DYNC2H1: variants seen among roughly 807,000 people sequenced by gnomAD.
DYNC2H1 encodes the protein cytoplasmic dynein 2 heavy chain 1.
DYNC2H1 carries 410 observed loss-of-function variants against 570.0 expected under a neutral mutation model. The observed-to-expected ratio is 0.72, with a 90% CI of 0.66 to 0.78. The LOEUF is 0.78. Ranked by LOEUF, DYNC2H1 falls within the 30% of genes least tolerant of loss-of-function variation. The pLI, the probability that DYNC2H1 is intolerant of heterozygous loss-of-function variation, is 0.00. For missense variants in DYNC2H1, 4,865 were observed against 5,046.4 expected (o/e 0.96, Z 1.09); for synonymous variants, 1,688 against 1,677.6 (o/e 1.01, Z -0.15).
At position 103,245,574 on chromosome 11, in the gene DYNC2H1, C is replaced by T. The variant is rs1864583180; in HGVS notation, c.10042+200C>T. Among the ~76,000 whole-genome samples, 1 of 152,034 alleles carries T rather than the reference C, an allele frequency of 6.6e-6. No homozygotes were observed. Among genetic ancestry groups the T allele is most frequent in the African/African-American group, 2.4e-5 (1 of 41,400 alleles). On this transcript the variant is annotated intron_variant, in intron 65 of 88. Transcript: ENST00000375735. This position sits in a 1 kb window ranked among gnomAD's most constrained non-coding sequence, Gnocchi z 4.5. ...GAAAGCTCAGTAGAGACCTAGTACC[C>T]ATAGTTTACTGGGGGTTGATTACGT...
intron 6 of DYNC2H1, among the ~76,000 whole-genome samples, chr11:103,120,065 G>A (rs1416439717): frequency 1.5e-4 from 23 of 152,110 alleles, no homozygotes; most frequent in South Asian, 4.1e-4. Context: ...GCAATTTAAT[G>A]CAGAATAATG....
Position 103,184,923 on chromosome 11 carries a change from G to A in DYNC2H1, c.6505G>A (p.Val2169Ile). Residue 2169 changes from valine to isoleucine, a missense_variant, in exon 41 of 89, where the codon GTT becomes ATT. This residue lies in a region of DYNC2H1 where 231 missense variants were observed against 310.3 expected (regional missense o/e 0.74). Transcript: ENST00000375735. Reference sequence around the variant, plus strand: ...TGACTATGTGGTAGAAACAAGTTTGGTTGGGACTGTGATGAATGGTTTGTC... The same window carrying A: ...TGACTATGTGGTAGAAACAAGTTTGATTGGGACTGTGATGAATGGTTTGTC... ...QNDYVVETSLVGTVMNGLSHL... is the reference protein window; with the variant it reads ...QNDYVVETSLIGTVMNGLSHL... 6.2e-7 allele frequency: 1 copy of A among 1,610,824 alleles called. No homozygotes were observed. Among genetic ancestry groups the A allele is most frequent in the Non-Finnish European group, 8.5e-7 (1 of 1,177,798 alleles).
intron 65 of DYNC2H1, among the ~76,000 whole-genome samples, chr11:103,251,931 A>T (rs663043): frequency 0.4 from 60,850 of 151,236 alleles, 12,490 homozygotes; most frequent in African/African-American, 0.47. Context: ...TTTTCCTTTC[A>T]TTTTTTTAGA....
At chr11:103,448,039 G>C (rs1343344331) in intron 85 of DYNC2H1, among the ~76,000 whole-genome samples, 3 of 152,078 alleles carry the variant, frequency 2.0e-5, no homozygotes, top group African/African-American at 4.8e-5. Context: ...CAAGTGGCAG[G>C]TCACTTTTAG....
Position 103,173,281 on chromosome 11 carries a change from T to C in DYNC2H1, c.5534T>C (p.Leu1845Ser), listed in dbSNP as rs1295920335. 6.4e-7 allele frequency: 1 copy of C among 1,574,448 alleles called. No individual in the cohort carries two copies. The highest frequency in any genetic ancestry group is 1.8e-5 in the Admixed American group (1 of 54,398). Residue 1845 changes from leucine (L) to serine (S), a missense_variant, in exon 35 of 89, where the codon TTG (leucine) becomes TCG (serine). By Grantham distance (145) the Leu-to-Ser change is moderately radical. Around this residue, in one of 5 missense-constraint regions of DYNC2H1, gnomAD observed 292 missense variants for 300.2 expected, o/e 0.97. Coordinates refer to ENST00000375735, the MANE Select transcript of DYNC2H1 (RefSeq NM_001377.3). ...FKDAKVLSRK[L>S]VAIFNLSREL... ...GACGCTAAAGTATTGAGCAGAAAAT[T>C]GGTAGCTATTTTCAATCTATCTAGG...
chr11:103,175,071 G>T (rs1024926606), intron 36 of DYNC2H1, among the ~76,000 whole-genome samples: 97 of 152,090 alleles, frequency 6.4e-4, no homozygotes, highest in African/African-American at 2.2e-3. Context: ...ATATATATGT[G>T]CTATACTTTC....
chr11:103,300,449 A>G (rs543628476), intron 75 of DYNC2H1, among the ~76,000 whole-genome samples: 1 of 152,094 alleles, frequency 6.6e-6, no homozygotes, highest in East Asian at 1.9e-4. Context: ...GATGATTCTG[A>G]TGGTATCATG....
intron 19 of DYNC2H1, among the ~76,000 whole-genome samples, chr11:103,148,284 C>T (rs1025150930): frequency 7.9e-5 from 12 of 152,058 alleles, no homozygotes; most frequent in East Asian, 7.7e-4. Flanking sequence ...TTAAATACAA[C>T]GTGAAACAAC....
intron 25 of DYNC2H1, 81 bp from the exon 26 acceptor site, chr11:103,156,307 T>C: frequency 7.3e-7 from 1 of 1,360,888 alleles, no homozygotes; most frequent in Non-Finnish European, 9.9e-7. Context: ...AAAATATATT[T>C]TTCATAAAAT....
At chr11:103,357,500 C>T (rs985197728) in intron 82 of DYNC2H1, among the ~76,000 whole-genome samples, 1 of 152,128 alleles carries the variant, frequency 6.6e-6, no homozygotes, top group Non-Finnish European at 1.5e-5. Context: ...GTTTATTATG[C>T]TATTCTTTTT....
intron 24 of DYNC2H1, 60 bp from the exon 25 acceptor site, chr11:103,155,271 T>A (rs1860759389): frequency 6.9e-7 from 1 of 1,449,572 alleles, no homozygotes; most frequent in African/African-American, 1.5e-5. Context: ...CTAATTTGCA[T>A]TTTGCTAATA....
rs1939040138 is a variant in DYNC2H1 at position 103,334,998 on chromosome 11, C to T, written c.12039+11008C>T. On this transcript the variant is annotated intron_variant, in intron 82 of 88. Transcript: ENST00000375735. The surrounding 1 kb of genome is among the most constrained non-coding windows in gnomAD (Gnocchi z 4.3). ...CACCTTGAAGAATTTGGAATAATTT[C>T]TTCAGTTTAGCAAAATACATTGCCC... 6.6e-6 allele frequency among the ~76,000 whole-genome samples: 1 copy of T among 152,038 alleles called. No homozygotes were observed. The highest frequency in any genetic ancestry group is 2.1e-4 in the South Asian group (1 of 4,830).
rs2135095493 is a variant in DYNC2H1, at chr11:103,203,791, A to G, written c.8311+15A>G. On this transcript the variant is annotated intron_variant, in intron 51 of 88. Coordinates refer to ENST00000375735, the MANE Select transcript of DYNC2H1 (RefSeq NM_001377.3). This position sits in a 1 kb window ranked among gnomAD's most constrained non-coding sequence, Gnocchi z 4.7. ...CTTCACATATAGTAAGTGACATAGAATTCATTAATCAAATCAAACTGGTTT... is the reference window on the plus strand; with the variant it reads ...CTTCACATATAGTAAGTGACATAGAGTTCATTAATCAAATCAAACTGGTTT... 6.5e-7 allele frequency: 1 copy of G among 1,528,300 alleles called. No individual in the cohort carries two copies. The highest frequency in any genetic ancestry group is 1.2e-5 in the South Asian group (1 of 85,084). 94.7% of individuals were successfully genotyped at this position (1,528,300 alleles called of 1,614,324 possible). A position where few individuals can be genotyped will look rare whatever the true frequency, so the allele number is the denominator to read the frequency against.
At chr11:103,232,788 G>A (rs760611820) in intron 60 of DYNC2H1, among the ~76,000 whole-genome samples, 99 of 152,122 alleles carry the variant, frequency 6.5e-4, no homozygotes, top group Admixed American at 2.4e-3. Flanking sequence ...CATGTTCAAG[G>A]TGTAATATGA....
In DYNC2H1 at chr11:103,257,770, T is replaced by C; in HGVS notation, c.10605+19T>C. The C allele has an allele frequency of 6.5e-7, 1 of 1,540,852 alleles. No homozygotes were observed. The highest frequency in any genetic ancestry group is 8.8e-7 in the Non-Finnish European group (1 of 1,141,018). ...CAAACAGGTAAGCTGTTGGATACCC[T>C]GTACCAGAGACTGAATTACAGGGAT... is the stretch of plus-strand genomic sequence containing the variant. On this transcript the variant is annotated intron_variant, in intron 69 of 88. Transcript: ENST00000375735.
At chr11:103,213,889 A>T (rs665231) in intron 54 of DYNC2H1, among the ~76,000 whole-genome samples, 1 of 152,056 alleles carries the variant, frequency 6.6e-6, no homozygotes, top group Non-Finnish European at 1.5e-5. Flanking sequence ...GGTCTTAACC[A>T]TAAAATATTT....
intron 82 of DYNC2H1, among the ~76,000 whole-genome samples, chr11:103,354,326 G>A (rs887256482): frequency 6.7e-6 from 1 of 148,622 alleles, no homozygotes; most frequent in African/African-American, 2.5e-5. Context: ...GTTTTTTTCT[G>A]TTTTGGAAAA....
rs541848415 is a variant in DYNC2H1, at chr11:103,181,011, A to G, written c.6348-746A>G. On this transcript the variant is annotated intron_variant, in intron 39 of 88. Coordinates refer to ENST00000375735, the MANE Select transcript of DYNC2H1 (RefSeq NM_001377.3). This position sits in a 1 kb window ranked among gnomAD's most constrained non-coding sequence, Gnocchi z 5.0. ...GAGGTCTTGTCAATTCTAAAATAATATGAATTATTTTTACTATAGTTTTTT... is the reference window on the plus strand; with the variant it reads ...GAGGTCTTGTCAATTCTAAAATAATGTGAATTATTTTTACTATAGTTTTTT... Among the ~76,000 whole-genome samples the G allele has an allele frequency of 6.6e-6, 1 of 151,598 alleles. No individual in the cohort carries two copies. Among genetic ancestry groups the G allele is most frequent in the East Asian group, 1.9e-4 (1 of 5,178 alleles).
chr11:103,246,099 T>A (rs905945054), intron 65 of DYNC2H1, among the ~76,000 whole-genome samples: 11 of 152,108 alleles, frequency 7.2e-5, no homozygotes, highest in Admixed American at 6.6e-4. Flanking sequence ...TGATATGTTA[T>A]GAGAACTCAA....
Sources: gnomAD v4.1 joint callset for allele counts (sites outside exome capture counted in the v4.1 genomes callset) on GRCh38, gnomAD v4.1.1 for gene constraint, gnomAD v4.1.1 regional missense constraint, Gnocchi (gnomAD v3.1) non-coding constraint, MANE v1.5 for transcripts, NCBI Gene and HGNC (gene_info 2026-07-23, HGNC 2026-07-21) for gene names.